Variants in NRXN3 observed in about 807,000 individuals in gnomAD.
NRXN3 encodes neurexin 3.
NRXN3 carries 32 observed loss-of-function variants against 137.6 expected under a neutral mutation model. That is an observed-to-expected ratio of 0.23 (90% CI 0.18 to 0.31). NRXN3 has a LOEUF of 0.31. Among genes scored for constraint, NRXN3 ranks in the 10% least tolerant of loss-of-function variants. The probability of loss-of-function intolerance (pLI) is 1.00; values close to 1 mark genes in which losing one functional copy is unlikely to be tolerated. For missense variants in NRXN3, 1,574 were observed against 2,062.5 expected (o/e 0.76, Z 4.59); for synonymous variants, 798 against 784.5 (o/e 1.02, Z -0.29).
At chr14:78,968,431 C>A in intron 14 of NRXN3, 85 bp downstream of exon 14, 1 of 1,257,288 alleles carries the variant, frequency 8.0e-7, no homozygotes, top group Non-Finnish European at 1.1e-6. Context: ...CCTCCTTCCT[C>A]AGTTGACCAG....
chr14:78,255,312 G>A (rs1292244951), intron 2 of NRXN3, among the ~76,000 whole-genome samples: 5 of 152,250 alleles, frequency 3.3e-5, no homozygotes, highest in African/African-American at 1.2e-4. Flanking sequence ...TGGTTTCATT[G>A]TGCAGCCAGG....
chr14:78,837,081 G>C (rs2098999186), intron 10 of NRXN3, among the ~76,000 whole-genome samples: 1 of 152,166 alleles, frequency 6.6e-6, no homozygotes, highest in Non-Finnish European at 1.5e-5. Flanking sequence ...CCTGGGAGTT[G>C]GGCGGAGATT....
intron 10 of NRXN3, among the ~76,000 whole-genome samples, chr14:78,811,162 A>G (rs932879527): frequency 1.3e-5 from 2 of 152,222 alleles, no homozygotes; most frequent in Non-Finnish European, 2.9e-5. Flanking sequence ...TATTAGGCTT[A>G]TTAATACTAA....
chr14:79,817,278 C>G (rs778979025), intron 20 of NRXN3, among the ~76,000 whole-genome samples: 7 of 152,274 alleles, frequency 4.6e-5, no homozygotes, highest in Non-Finnish European at 7.3e-5. Context: ...GTCTTGAACT[C>G]CTGGCCTCAA....
chr14:78,410,026 CAA>C, intron 4 of NRXN3, among the ~76,000 whole-genome samples: 1 of 152,264 alleles, frequency 6.6e-6, no homozygotes, highest in South Asian at 2.1e-4. Flanking sequence ...GCAGCAGCTC[CAA>C]CCCTTACTTT....
chr14:79,373,368 G>T (rs1489504120), intron 15 of NRXN3, among the ~76,000 whole-genome samples: 5 of 152,130 alleles, frequency 3.3e-5, no homozygotes, highest in Admixed American at 2.6e-4. Context: ...ATTTGACTGG[G>T]CTGGTTGGTT....
chr14:78,985,573 C>T (rs955960752), intron 14 of NRXN3, among the ~76,000 whole-genome samples: 13 of 152,088 alleles, frequency 8.5e-5, no homozygotes, highest in Admixed American at 2.0e-4. Flanking sequence ...AGAGGGAAGG[C>T]GAAAGATATG....
intron 3 of NRXN3, among the ~76,000 whole-genome samples, chr14:78,286,263 G>A (rs186382632): frequency 6.6e-6 from 1 of 152,094 alleles, no homozygotes; most frequent in African/African-American, 2.4e-5. Flanking sequence ...TAGAAGGAAG[G>A]GATAATGAAT....
chr14:79,291,669 T>C (rs376284747), intron 15 of NRXN3, among the ~76,000 whole-genome samples: 3 of 146,682 alleles, frequency 2.0e-5, no homozygotes, highest in Non-Finnish European at 4.5e-5. Context: ...CCCAACCTGA[T>C]TGTGCCTTAT....
intron 14 of NRXN3, among the ~76,000 whole-genome samples, chr14:78,983,399 G>A (rs2099494463): frequency 6.6e-6 from 1 of 152,206 alleles, no homozygotes; most frequent in South Asian, 2.1e-4. Context: ...AAACCTGGGT[G>A]TTCATCCTCA....
At chr14:78,314,607 T>A (rs558770468) in intron 4 of NRXN3, among the ~76,000 whole-genome samples, 2 of 152,268 alleles carry the variant, frequency 1.3e-5, no homozygotes, top group South Asian at 4.1e-4. Flanking sequence ...CGTAATCCCA[T>A]CCAATTGCAA....
At chr14:79,778,122 G>A (rs1296548821) in intron 19 of NRXN3, among the ~76,000 whole-genome samples, 3 of 152,150 alleles carry the variant, frequency 2.0e-5, no homozygotes, top group Non-Finnish European at 4.4e-5. Context: ...ATTGATATAA[G>A]ACTGGTAGCA....
intron 19 of NRXN3, among the ~76,000 whole-genome samples, chr14:79,732,997 G>A (rs1025902142): frequency 1.3e-5 from 2 of 152,088 alleles, no homozygotes; most frequent in Non-Finnish European, 2.9e-5. Context: ...TGTTAAATAA[G>A]CATTACATGT....
intron 10 of NRXN3, among the ~76,000 whole-genome samples, chr14:78,875,816 G>T (rs1294837067): frequency 6.6e-6 from 1 of 152,160 alleles, no homozygotes; most frequent in Non-Finnish European, 1.5e-5. Context: ...AATATTTGCA[G>T]AAAGAATGAG....
At chr14:78,573,953 G>A (rs1203433505) in intron 4 of NRXN3, among the ~76,000 whole-genome samples, 1 of 152,204 alleles carries the variant, frequency 6.6e-6, no homozygotes, top group Non-Finnish European at 1.5e-5. Context: ...ATGGTTTCAT[G>A]GATTGGGCCC....
intron 16 of NRXN3, among the ~76,000 whole-genome samples, chr14:79,493,322 A>C (rs2096735112): frequency 1.3e-5 from 2 of 152,212 alleles, no homozygotes; most frequent in South Asian, 4.1e-4. Context: ...TCAAAGCAAG[A>C]AAATAGAATC....
At chr14:79,210,830 T>C (rs1473190567) in intron 15 of NRXN3, among the ~76,000 whole-genome samples, 1 of 152,166 alleles carries the variant, frequency 6.6e-6, no homozygotes, top group Non-Finnish European at 1.5e-5. Context: ...AGTCTCTTCG[T>C]AGTATTTGGT....
At chr14:78,364,778 A>G (rs1198857423) in intron 4 of NRXN3, among the ~76,000 whole-genome samples, 1 of 152,180 alleles carries the variant, frequency 6.6e-6, no homozygotes, top group Non-Finnish European at 1.5e-5. Context: ...TCCCAAAGAA[A>G]CTGTGGGTGG....
At chr14:78,694,433 T>A (rs1056186878) in intron 6 of NRXN3, among the ~76,000 whole-genome samples, 1 of 151,956 alleles carries the variant, frequency 6.6e-6, no homozygotes, top group Non-Finnish European at 1.5e-5. Flanking sequence ...GATCAATAAG[T>A]AGTGTCTGAA....
Sources: allele counts gnomAD v4.1 joint callset (sites outside exome capture counted in the v4.1 genomes callset), GRCh38; gene constraint gnomAD v4.1.1; transcripts MANE v1.5; gene names NCBI Gene and HGNC (gene_info 2026-07-23, HGNC 2026-07-21).